The following SDK1 variants were observed in gnomAD, a reference collection of about 807,000 sequenced individuals.
The protein encoded by SDK1 is protein sidekick-1.
A neutral mutation model predicts 245.5 loss-of-function variants in SDK1; 157 were observed. That is an observed-to-expected ratio of 0.64 (90% CI 0.56 to 0.73). The LOEUF (loss-of-function observed/expected upper bound fraction) is 0.73. Ranked by LOEUF, SDK1 falls within the 30% of genes least tolerant of loss-of-function variation. The probability of loss-of-function intolerance (pLI) is 0.00; values close to 1 mark genes in which losing one functional copy is unlikely to be tolerated. For missense variants in SDK1, 3,583 were observed against 3,002.3 expected (o/e 1.19, Z -4.52); for synonymous variants, 1,647 against 1,278.5 (o/e 1.29, Z -6.15).
At chr7:3,302,391 C>T (rs1018899119) in intron 1 of SDK1, 1 of 152,164 alleles carries the variant, frequency 6.6e-6, no homozygotes, top group African/African-American at 2.4e-5. Context: ...TCCCAAAGCC[C>T]GACCCCAAGT....
intron 22 of SDK1, among the ~76,000 whole-genome samples, chr7:4,101,995 G>A (rs1259281511): frequency 2.0e-5 from 3 of 152,174 alleles, no homozygotes; most frequent in African/African-American, 7.2e-5. Flanking sequence ...TGCCTCTGAA[G>A]ATCCAAAGAA....
chr7:4,102,369 C>G (rs1409228679), intron 22 of SDK1, among the ~76,000 whole-genome samples: 2 of 152,182 alleles, frequency 1.3e-5, no homozygotes, highest in Non-Finnish European at 2.9e-5. Flanking sequence ...GCTAGACGTG[C>G]AAGTTTTCCT....
At chr7:3,599,198 T>G (rs1781175554) in intron 1 of SDK1, among the ~76,000 whole-genome samples, 1 of 151,772 alleles carries the variant, frequency 6.6e-6, no homozygotes, top group Non-Finnish European at 1.5e-5. Context: ...CATGGTGGTT[T>G]AATTTGCGAT....
At chr7:3,794,101 C>T (rs1482781926) in intron 4 of SDK1, among the ~76,000 whole-genome samples, 2 of 152,052 alleles carry the variant, frequency 1.3e-5, no homozygotes, top group Admixed American at 6.5e-5. Context: ...ATCTATTTTA[C>T]GTTTTATGAT....
chr7:3,302,044 ACT>A (rs1779281732), intron 1 of SDK1, 160 bp downstream of exon 1: 2 of 429,940 alleles, frequency 4.7e-6, no homozygotes, highest in Non-Finnish European at 6.5e-6. Flanking sequence ...TCCACGCCAG[ACT>A]CGGAGGAGAG....
intron 1 of SDK1, among the ~76,000 whole-genome samples, chr7:3,540,536 TAAG>T (rs148587976): frequency 0.096 from 14,685 of 152,214 alleles, 978 homozygotes; most frequent in African/African-American, 0.19. Context: ...ACTCTGAATC[TAAG>T]AAGAAGACTT....
chr7:4,062,423 A>G (rs546920875), intron 19 of SDK1, among the ~76,000 whole-genome samples: 1 of 152,170 alleles, frequency 6.6e-6, no homozygotes, highest in African/African-American at 2.4e-5. Context: ...GAAACATAAA[A>G]TCTGAACAGA....
At position 3,632,863 on chromosome 7, in the gene SDK1, G is replaced by A. The variant is rs148255441; in HGVS notation, c.459-6141G>A. On this transcript the variant is annotated intron_variant, in intron 2 of 44. Coordinates refer to ENST00000404826, the MANE Select transcript of SDK1 (RefSeq NM_152744.4). ...TCCTTGTGTTTTTCTGAGACAGCTTGTTATGGCACAGTCTGGGTTTTTCAT... is the reference window on the plus strand; with the variant it reads ...TCCTTGTGTTTTTCTGAGACAGCTTATTATGGCACAGTCTGGGTTTTTCAT... 1.9e-3 allele frequency among the ~76,000 whole-genome samples: 289 copies of A among 152,244 alleles called. 2 individuals are homozygous for A. Among genetic ancestry groups the A allele is most frequent in the Non-Finnish European group, 2.1e-3 (146 of 68,010 alleles).
intron 14 of SDK1, among the ~76,000 whole-genome samples, chr7:3,994,458 A>G (rs765886712): frequency 1.3e-5 from 2 of 152,056 alleles, no homozygotes; most frequent in East Asian, 1.9e-4. Context: ...CCTGGGCAAC[A>G]TAGCAAGACC....
chr7:3,902,316 A>G (rs138907924), intron 5 of SDK1, among the ~76,000 whole-genome samples: 2 of 152,178 alleles, frequency 1.3e-5, no homozygotes, highest in African/African-American at 4.8e-5. Context: ...CTTCTCCCAC[A>G]ATAAGAACCC....
In SDK1 at chr7:4,006,636, G is replaced by T. The variant is rs539403554; in HGVS notation, c.2132-4330G>T. On this transcript the variant is annotated intron_variant, in intron 14 of 44. Coordinates refer to ENST00000404826, the MANE Select transcript of SDK1 (RefSeq NM_152744.4). The stretch of plus-strand genomic sequence containing the variant: ...GTATGAATCAGGGTGCCCAGAGATG[G>T]ATCAGTTCATTTGTATTAGTTTTCA... 1.2e-3 allele frequency among the ~76,000 whole-genome samples: 186 copies of T among 152,292 alleles called. 2 individuals carry two copies. Among genetic ancestry groups the T allele is most frequent in the African/African-American group, 4.0e-3 (168 of 41,568 alleles).
intron 1 of SDK1, among the ~76,000 whole-genome samples, chr7:3,489,846 C>G (rs938631666): frequency 1.3e-5 from 2 of 152,176 alleles, no homozygotes; most frequent in Non-Finnish European, 2.9e-5. Context: ...ATTACTATTT[C>G]AAGTTTGGAG....
chr7:3,563,893 T>C (rs1779825149), intron 1 of SDK1, among the ~76,000 whole-genome samples: 1 of 152,080 alleles, frequency 6.6e-6, no homozygotes, highest in African/African-American at 2.4e-5. Context: ...AATAAAATGA[T>C]AGTCCCTAAC....
intron 28 of SDK1, among the ~76,000 whole-genome samples, chr7:4,141,227 C>T (rs1779564540): frequency 1.3e-5 from 2 of 152,134 alleles, no homozygotes; most frequent in South Asian, 2.1e-4. Flanking sequence ...AAAGGCAGGG[C>T]TCACCTTGGA....
At chr7:3,620,621 T>G (rs1012565395) in intron 2 of SDK1, among the ~76,000 whole-genome samples, 23 of 152,146 alleles carry the variant, frequency 1.5e-4, no homozygotes, top group Admixed American at 2.6e-4. Flanking sequence ...TGCCAACATT[T>G]GACAGTTCTA....
intron 8 of SDK1, among the ~76,000 whole-genome samples, chr7:3,961,784 A>C (rs553085313): frequency 4.8e-4 from 73 of 152,188 alleles, no homozygotes; most frequent in Non-Finnish European, 8.7e-4. Context: ...GCCATTGAGC[A>C]CTCACCAGGT....
chr7:3,617,693 G>A (rs542466662), intron 1 of SDK1, among the ~76,000 whole-genome samples: 6 of 152,258 alleles, frequency 3.9e-5, no homozygotes, highest in South Asian at 2.1e-4. Flanking sequence ...GAGGATGGGG[G>A]CCCAACTTAC....
chr7:4,176,544 T>A (rs1782224668), intron 34 of SDK1, among the ~76,000 whole-genome samples: 1 of 152,226 alleles, frequency 6.6e-6, no homozygotes, highest in South Asian at 2.1e-4. Flanking sequence ...TACAGTTCAG[T>A]GGCATTAAGC....
intron 7 of SDK1, among the ~76,000 whole-genome samples, chr7:3,956,091 CCT>C (rs955199022): frequency 2.8e-4 from 43 of 152,164 alleles, no homozygotes; most frequent in African/African-American, 7.2e-4. Context: ...GTTTCCATCC[CCT>C]GTTTTGTTGG....
Sources: allele counts gnomAD v4.1 joint callset (sites outside exome capture counted in the v4.1 genomes callset), GRCh38; gene constraint gnomAD v4.1.1; transcripts MANE v1.5; gene names NCBI Gene and HGNC (gene_info 2026-07-23, HGNC 2026-07-21).